Variants in MICU1 observed in about 807,000 individuals in gnomAD.
MICU1 encodes the protein mitochondrial calcium uptake 1, also known as calcium uptake protein 1, mitochondrial.
A neutral mutation model predicts 56.8 loss-of-function variants in MICU1; 45 were observed. That is an observed-to-expected ratio of 0.79 (90% CI 0.62 to 1.02). MICU1 has a LOEUF of 1.02. Ranked by LOEUF, MICU1 falls within the 50% of genes least tolerant of loss-of-function variation. The pLI, the probability that MICU1 is intolerant of heterozygous loss-of-function variation, is 0.00. For missense variants in MICU1, 504 were observed against 587.1 expected (o/e 0.86, Z 1.46); for synonymous variants, 186 against 195.1 (o/e 0.95, Z 0.39).
chr10:72,473,988 G>C (rs1007417447), intron 8 of MICU1, among the ~76,000 whole-genome samples: 4 of 152,056 alleles, frequency 2.6e-5, no homozygotes, highest in Admixed American at 1.3e-4. Context: ...CGGGTGCGGT[G>C]GCTCACACCT....
At chr10:72,506,775 A>G (rs1016864353) in intron 6 of MICU1, among the ~76,000 whole-genome samples, 9 of 152,220 alleles carry the variant, frequency 5.9e-5, no homozygotes, top group African/African-American at 2.2e-4. Context: ...TCACAAGCTA[A>G]GAAATGGTGG....
chr10:72,436,819 G>C (rs1323358738), intron 8 of MICU1, among the ~76,000 whole-genome samples: 1 of 152,098 alleles, frequency 6.6e-6, no homozygotes, highest in African/African-American at 2.4e-5. Context: ...ATCAGTGATT[G>C]AAGATCAAAT....
At chr10:72,486,583 T>C (rs1217393586) in intron 6 of MICU1, among the ~76,000 whole-genome samples, 1 of 152,204 alleles carries the variant, frequency 6.6e-6, no homozygotes. Context: ...GAGATTCTCC[T>C]GAGTCAGCCT....
At chr10:72,602,700 C>G (rs1841572209) in intron 1 of MICU1, among the ~76,000 whole-genome samples, 1 of 152,108 alleles carries the variant, frequency 6.6e-6, no homozygotes, top group Non-Finnish European at 1.5e-5. Flanking sequence ...ATTATAAATA[C>G]CATTGAACAT....
intron 8 of MICU1, among the ~76,000 whole-genome samples, chr10:72,462,319 G>GT (rs146846272): frequency 0.034 from 5,192 of 151,578 alleles, 284 homozygotes; most frequent in African/African-American, 0.12. Context: ...TCGGACTCAG[G>GT]TAATACTTCC....
In MICU1 at chr10:72,546,203, C is replaced by T. The variant is rs529828073; in HGVS notation, c.493+4976G>A. 2.2e-4 allele frequency among the ~76,000 whole-genome samples: 34 copies of T among 152,260 alleles called. No homozygotes were observed. The South Asian group carries it at 2.7e-3, about 12-fold the overall frequency. On this transcript the variant is annotated intron_variant, in intron 4 of 11. Transcript: ENST00000361114. ...GTCTGAGCAAATGATGACAGAGTGA[C>T]ATCAATGACTAAAGTTTCGGTCAAT...
chr10:72,603,913 A>G (rs1365813618), intron 1 of MICU1, among the ~76,000 whole-genome samples: 1 of 152,232 alleles, frequency 6.6e-6, no homozygotes, highest in African/African-American at 2.4e-5. Context: ...GGTTATAGGT[A>G]GATTTAAAAT....
At chr10:72,475,405 T>C in intron 7 of MICU1, 108 bp from the exon 8 acceptor site, 2 of 1,044,918 alleles carry the variant, frequency 1.9e-6, no homozygotes, top group Non-Finnish European at 2.7e-6. Flanking sequence ...TACTCTGTAT[T>C]ATAATTATCT....
At chr10:72,454,530 C>A (rs1238753776) in intron 8 of MICU1, among the ~76,000 whole-genome samples, 1 of 151,442 alleles carries the variant, frequency 6.6e-6, no homozygotes, top group African/African-American at 2.4e-5. Flanking sequence ...TGCCTGTAAT[C>A]CCAGCACTTT....
chr10:72,453,518 C>CTTAT lies in MICU1; in HGVS notation c.933+21578_933+21581dup, dbSNP rs200766380. Among the ~76,000 whole-genome samples, 562 of 151,972 alleles carry CTTAT rather than the reference C, an allele frequency of 3.7e-3. 2 individuals are homozygous for CTTAT. The highest frequency in any genetic ancestry group is 9.2e-3 in the African/African-American group (381 of 41,450). ...AAAATCCCAACATTACTTTATTTTACTTATTTATTTATTTATTTATTTATT... is the reference window on the plus strand; with the variant it reads ...AAAATCCCAACATTACTTTATTTTACTTATTTATTTATTTATTTATTTATTTATT... On this transcript the variant is annotated intron_variant, in intron 8 of 11. Coordinates refer to ENST00000361114, the MANE Select transcript of MICU1 (RefSeq NM_001195518.2).
At chr10:72,578,254 T>C (rs1034680477) in intron 1 of MICU1, among the ~76,000 whole-genome samples, 1 of 151,980 alleles carries the variant, frequency 6.6e-6, no homozygotes, top group Admixed American at 6.6e-5. Context: ...TACCATTTTT[T>C]AGCAATAAAG....
At chr10:72,623,986 G>C (rs1842171911) in intron 1 of MICU1, among the ~76,000 whole-genome samples, 1 of 152,150 alleles carries the variant, frequency 6.6e-6, no homozygotes, top group Admixed American at 6.6e-5. Context: ...TGTTCAGCAA[G>C]TGCTGCAGCC....
chr10:72,508,168 T>C lies in MICU1; in HGVS notation c.639A>G (p.Thr213=). 1.3e-6 allele frequency: 2 copies of C among 1,521,398 alleles called. No individual in the cohort carries two copies. The highest frequency in any genetic ancestry group is 8.9e-7 in the Non-Finnish European group (1 of 1,118,824). 94.2% of individuals were successfully genotyped at this position (1,521,398 alleles called of 1,614,324 possible). A position where few individuals can be genotyped will look rare whatever the true frequency, so the allele number is the denominator to read the frequency against. ...GTTTATACTTACTGGAAAGAACAGT[T>C]GTGAGGAAAATGTAGTCTGAAAAGG... ...LISFSDYIFL[T]TVLSTPQRNF... Residue 213 remains threonine (T), a synonymous_variant, in exon 6 of 12, where the codon ACA becomes ACG. Coordinates refer to ENST00000361114, the MANE Select transcript of MICU1 (RefSeq NM_001195518.2).
chr10:72,374,979 T>A (rs1485380988), intron 11 of MICU1, among the ~76,000 whole-genome samples: 1 of 151,712 alleles, frequency 6.6e-6, no homozygotes, highest in Non-Finnish European at 1.5e-5. Context: ...CCTGGCTAAT[T>A]TTTGTATTTT....
At position 72,592,285 on chromosome 10, in the gene MICU1, G is replaced by A. The variant is rs189678948; in HGVS notation, c.-1-25491C>T. Among the ~76,000 whole-genome samples, 171 of 152,048 alleles carry A rather than the reference G, an allele frequency of 1.1e-3. 1 individual carries two copies. Among genetic ancestry groups the A allele is most frequent in the African/African-American group, 4.0e-3 (164 of 41,486 alleles). On this transcript the variant is annotated intron_variant, in intron 1 of 11. Coordinates refer to ENST00000361114, the MANE Select transcript of MICU1 (RefSeq NM_001195518.2). ...GCCTCCCAAAGTGCTGGGATTACAG[G>A]TGTGGAGCCACCATGCCCAGCCTGA...
At chr10:72,586,613 C>T (rs1841068750) in intron 1 of MICU1, among the ~76,000 whole-genome samples, 1 of 151,278 alleles carries the variant, frequency 6.6e-6, no homozygotes, top group Non-Finnish European at 1.5e-5. Context: ...GATCGTGCCA[C>T]TGTACTCCGG....
intron 8 of MICU1, among the ~76,000 whole-genome samples, chr10:72,427,416 G>A (rs1864379710): frequency 6.6e-6 from 1 of 151,834 alleles, no homozygotes; most frequent in African/African-American, 2.4e-5. Context: ...AAGGCCAAAA[G>A]TAAGAATAGA....
At position 72,388,287 on chromosome 10, in the gene MICU1, C is replaced by T. The variant is rs552949402; in HGVS notation, c.1181-12415G>A. On this transcript the variant is annotated intron_variant, in intron 10 of 11. Coordinates refer to ENST00000361114, the MANE Select transcript of MICU1 (RefSeq NM_001195518.2). ...TCCTGTATTTTGATGTTGAGAAAAG[C>T]GCAGCTTAGCATACATGCCTTTTTC... Among the ~76,000 whole-genome samples the T allele has an allele frequency of 1.7e-4, 26 of 152,318 alleles. No homozygotes were observed. In the East Asian group the frequency reaches 3.9e-3, roughly 23 times the overall value.
At chr10:72,532,109 A>G (rs1839503392) in intron 5 of MICU1, among the ~76,000 whole-genome samples, 1 of 152,030 alleles carries the variant, frequency 6.6e-6, no homozygotes, top group Non-Finnish European at 1.5e-5. Context: ...CGAGGTCAGG[A>G]GATTGAGACC....
Sources: allele counts gnomAD v4.1 joint callset (sites outside exome capture counted in the v4.1 genomes callset), GRCh38; gene constraint gnomAD v4.1.1; transcripts MANE v1.5; gene names NCBI Gene and HGNC (gene_info 2026-07-23, HGNC 2026-07-21).